The following VEGFA variants were observed in gnomAD, a reference collection of about 807,000 sequenced individuals.
VEGFA encodes the protein vascular endothelial growth factor A, long form.
VEGFA carries 20 observed loss-of-function variants against 49.7 expected under a neutral mutation model. That is an observed-to-expected ratio of 0.40 (90% CI 0.28 to 0.58). The LOEUF (loss-of-function observed/expected upper bound fraction) is 0.58, where lower values mean the gene tolerates loss of function less well. Among genes scored for constraint, VEGFA ranks in the 20% least tolerant of loss-of-function variants. The pLI is 0.40. For synonymous variants in VEGFA, 219 were observed against 223.4 expected, an observed-to-expected ratio of 0.98 and a Z score of 0.18; for missense variants, 505 against 553.5, an observed-to-expected ratio of 0.91 and a Z score of 0.88.
chr6:43,780,307 G>T lies in VEGFA; in HGVS notation c.963-425G>T, dbSNP rs1237857425. On this transcript the variant is annotated intron_variant, in intron 5 of 7. Transcript: ENST00000672860. Reference sequence around the variant, plus strand: ...TCTCTGACCTTCTCCCCAAAGTCTGGCCTACCTTTTATCACCCCCGGACCT... The same window carrying T: ...TCTCTGACCTTCTCCCCAAAGTCTGTCCTACCTTTTATCACCCCCGGACCT... The T allele has an allele frequency of 1.7e-5, 5 of 287,858 alleles. No homozygotes were observed. The Admixed American group carries it at 1.8e-4, about 10-fold the overall frequency. 17.8% of individuals were successfully genotyped at this position (287,858 alleles called of 1,614,324 possible).
chr6:43,784,050 G>A (rs1582540307), intron 7 of VEGFA: 2 of 214,664 alleles, frequency 9.3e-6, no homozygotes, highest in East Asian at 1.1e-4. Context: ...TTGGTCACCC[G>A]GCCAAGCCTC....
chr6:43,781,440 T>C (rs1020594892), intron 6 of VEGFA: 6 of 240,192 alleles, frequency 2.5e-5, no homozygotes, highest in African/African-American at 1.4e-4. Context: ...TCGGAGGCTG[T>C]GGTGGGCCCT....
At position 43,770,775 on chromosome 6, in the gene VEGFA, A is replaced by G. The variant is rs757561688; in HGVS notation, c.69A>G (p.Thr23=). ...ACCTCCTCCCCGGCCGGCGGCGGAC[A>G]GTGGACGCGGCGGCGAGCCGCGGGC... The change falls in exon 1 of 8, where the codon ACA becomes ACG. Residue 23 remains threonine, a synonymous_variant. Coordinates refer to ENST00000672860, the MANE Select transcript of VEGFA (RefSeq NM_003376.6). 4 of 1,478,124 alleles carry G rather than the reference A, an allele frequency of 2.7e-6. No individual in the cohort carries two copies. Among genetic ancestry groups the G allele is most frequent in the Non-Finnish European group, 3.6e-6 (4 of 1,121,178 alleles). The allele number at this position is 1,478,124 out of a possible 1,614,324, so 91.6% of individuals were successfully genotyped here.
rs78922188 is a variant in VEGFA at position 43,784,382 on chromosome 6, G to C, written c.1167-159G>C. 1,578 of 770,986 alleles carry C rather than the reference G, an allele frequency of 2.0e-3. 22 individuals are homozygous for C. The African/African-American group carries it at 0.023, about 11-fold the overall frequency. 47.8% of individuals were successfully genotyped at this position (770,986 alleles called of 1,614,324 possible). On this transcript the variant is annotated intron_variant, in intron 7 of 7. Coordinates refer to ENST00000672860, the MANE Select transcript of VEGFA (RefSeq NM_003376.6). ...GGGCTGGGGCTGTTCTCATACTGGG[G>C]CTTTCTGCCCCAGGACCACACCTTC...
chr6:43,771,449 T>A, intron 1 of VEGFA, 137 bp downstream of exon 1: 1 of 898,670 alleles, frequency 1.1e-6, no homozygotes, highest in Non-Finnish European at 1.6e-6. Context: ...CGTCCCCCTC[T>A]GTCGTCTTAG....
At chr6:43,779,026 A>AGG in intron 5 of VEGFA, 108 bp downstream of exon 5, 1 of 1,469,324 alleles carries the variant, frequency 6.8e-7, no homozygotes, top group Non-Finnish European at 9.5e-7. Context: ...TGGGTCAGGG[A>AGG]CTTGGTCTTG....
Position 43,777,577 on chromosome 6 carries a change from C to T in VEGFA, c.767C>T (p.Ser256Phe). The change falls in exon 3 of 8, where the codon TCC becomes TTC. Residue 256 changes from serine to phenylalanine, a missense_variant. Physicochemically the swap from Ser to Phe is radical, Grantham distance 155 (BLOSUM62 -2). This residue lies in a region of VEGFA where 165 missense variants were observed against 231.7 expected (regional missense o/e 0.71). Coordinates refer to ENST00000672860, the MANE Select transcript of VEGFA (RefSeq NM_003376.6). The surrounding 1 kb of genome is among the most constrained non-coding windows in gnomAD (Gnocchi z 4.3). ...GAGATCGAGTACATCTTCAAGCCATCCTGTGTGCCCCTGATGCGATGCGGG... is the reference window on the plus strand; with the variant it reads ...GAGATCGAGTACATCTTCAAGCCATTCTGTGTGCCCCTGATGCGATGCGGG... The T allele has an allele frequency of 6.2e-7, 1 of 1,614,130 alleles. No homozygotes were observed. The highest frequency in any genetic ancestry group is 8.5e-7 in the Non-Finnish European group (1 of 1,180,016).
chr6:43,774,241 T>G (rs1582478410), intron 1 of VEGFA, 100 bp from the exon 2 acceptor site: 1 of 1,290,164 alleles, frequency 7.8e-7, no homozygotes, highest in African/African-American at 1.5e-5. Context: ...CCAGAGGCTG[T>G]TGGTGGGAGG....
chr6:43,775,007 G>T, intron 2 of VEGFA: 1 of 165,158 alleles, frequency 6.1e-6, no homozygotes, highest in Non-Finnish European at 1.3e-5. Context: ...GTTCCGTTGT[G>T]GTTTGGATCC....
chr6:43,784,324 AGCT>A (rs748222356), intron 7 of VEGFA: 241 of 619,434 alleles, frequency 3.9e-4, no homozygotes, highest in Non-Finnish European at 6.1e-4. Context: ...CCCTGAGTGG[AGCT>A]GCTGCTCAGG....
At chr6:43,774,977 CCCGAGT>C (rs1479024040) in intron 2 of VEGFA, 1 of 168,292 alleles carries the variant, frequency 5.9e-6, no homozygotes, top group Admixed American at 5.5e-5. Flanking sequence ...CCTGCCCAAC[CCCGAGT>C]CCGCCTGCCT....
chr6:43,784,668 C>T lies in VEGFA; in HGVS notation c.*106C>T, dbSNP rs1481115447. 3 of 1,569,012 alleles carry T rather than the reference C, an allele frequency of 1.9e-6. No homozygotes were observed. The highest frequency in any genetic ancestry group is 2.6e-6 in the Non-Finnish European group (3 of 1,139,066). ...TACAGAAACCACGCTGCCGCCACCA[C>T]ACCATCACCATCGACAGAACAGTCC... On this transcript the variant is annotated 3_prime_UTR_variant, in exon 8 of 8. Coordinates refer to ENST00000672860, the MANE Select transcript of VEGFA (RefSeq NM_003376.6).
chr6:43,784,231 G>A (rs750444849), intron 7 of VEGFA: 16 of 514,590 alleles, frequency 3.1e-5, no homozygotes, highest in African/African-American at 7.7e-5. Context: ...TTTGGTATCC[G>A]TTCATTTGTT....
rs1397698749 is a variant in VEGFA at position 43,780,755 on chromosome 6, A to G, written c.986A>G (p.Lys329Arg). Reference sequence around the variant, plus strand: ...AGAAAATCAGTTCGAGGAAAGGGAAAGGGGCAAAAACGAAAGCGCAAGAAA... The same window carrying G: ...AGAAAATCAGTTCGAGGAAAGGGAAGGGGGCAAAAACGAAAGCGCAAGAAA... The change falls in exon 6 of 8, where the codon AAG becomes AGG. Residue 329 changes from lysine (K) to arginine (R), a missense_variant. Lys to Arg is a conservative substitution (Grantham distance 26). Coordinates refer to ENST00000672860, the MANE Select transcript of VEGFA (RefSeq NM_003376.6). 2.6e-5 allele frequency: 42 copies of G among 1,613,826 alleles called. No homozygotes were observed. Among genetic ancestry groups the G allele is most frequent in the Non-Finnish European group, 3.3e-5 (39 of 1,180,018 alleles).
intron 7 of VEGFA, chr6:43,783,932 G>C (rs3025036): frequency 0.72 from 114,623 of 159,864 alleles, 41,476 homozygotes; most frequent in East Asian, 0.9. Flanking sequence ...TACAGCCACA[G>C]TGGGAGGGGA....
In VEGFA at chr6:43,770,652, C is replaced by T; in HGVS notation, c.-55C>T. On this transcript the variant is annotated 5_prime_UTR_variant, in exon 1 of 8. Transcript: ENST00000672860. ...TGAGTGACCTGCTTTTGGGGGTGAC[C>T]GCCGGAGCGCGGCGTGAGCCCTCCC... 6.6e-7 allele frequency: 1 copy of T among 1,504,702 alleles called. No individual in the cohort carries two copies. Among genetic ancestry groups the T allele is most frequent in the Non-Finnish European group, 8.8e-7 (1 of 1,137,480 alleles). The allele number at this position is 1,504,702 out of a possible 1,614,324, so 93.2% of individuals were successfully genotyped here.
chr6:43,777,455 C>A lies in VEGFA; in HGVS notation c.659-14C>A. 6.2e-7 allele frequency: 1 copy of A among 1,613,588 alleles called. No individual in the cohort carries two copies. The highest frequency in any genetic ancestry group is 1.3e-5 in the African/African-American group (1 of 75,028). ...GTCGCCCACCGGGCTCATGTGTCAT[C>A]GCCTCTCATGCAGTGGTGAAGTTCA... is the stretch of plus-strand genomic sequence containing the variant. On this transcript the variant is annotated splice_polypyrimidine_tract_variant and intron_variant, in intron 2 of 7. Transcript: ENST00000672860. This position sits in a 1 kb window ranked among gnomAD's most constrained non-coding sequence, Gnocchi z 4.3.
intron 1 of VEGFA, 91 bp downstream of exon 1, chr6:43,771,403 G>A (rs1763499625): frequency 2.3e-6 from 3 of 1,318,800 alleles, no homozygotes; most frequent in South Asian, 1.4e-5. Context: ...TGGGGGCTCC[G>A]TGCCCCACGC....
chr6:43,778,230 C>T (rs1766113528), intron 3 of VEGFA: 1 of 603,360 alleles, frequency 1.7e-6, no homozygotes, highest in Admixed American at 2.7e-5. Flanking sequence ...CCCTTGCAGC[C>T]ATGTCTTGGC....
Sources: allele counts gnomAD v4.1 joint callset, GRCh38; gene constraint gnomAD v4.1.1; regional missense constraint gnomAD v4.1.1; non-coding constraint Gnocchi (gnomAD v3.1); transcripts MANE v1.5; gene names NCBI Gene and HGNC (gene_info 2026-07-23, HGNC 2026-07-21).